The following RAB2A variants were observed in gnomAD, a reference collection of about 807,000 sequenced individuals.
RAB2A encodes the protein ras-related protein Rab-2A.
In RAB2A, 7 loss-of-function variants were observed where a neutral mutation model predicts 32.5. That is an observed-to-expected ratio of 0.22 (90% CI 0.12 to 0.40). RAB2A has a LOEUF of 0.40. RAB2A is among the 10% of genes least tolerant of loss of function. RAB2A has a pLI of 1.00. For missense variants in RAB2A, 108 were observed against 260.7 expected, an observed-to-expected ratio of 0.41 and a Z score of 4.03; for synonymous variants, 79 against 85.2, an observed-to-expected ratio of 0.93 and a Z score of 0.40.
intron 1 of RAB2A, among the ~76,000 whole-genome samples, chr8:60,540,111 T>A (rs1807616513): frequency 6.6e-6 from 1 of 150,962 alleles, no homozygotes; most frequent in Non-Finnish European, 1.5e-5. Flanking sequence ...CCAAATACAG[T>A]ATATATTCAT....
chr8:60,550,153 A>G (rs1489985523), intron 1 of RAB2A, among the ~76,000 whole-genome samples: 1 of 152,138 alleles, frequency 6.6e-6, no homozygotes, highest in Non-Finnish European at 1.5e-5. Flanking sequence ...TGATCTGTCC[A>G]CTCTCAATCT....
intron 2 of RAB2A, among the ~76,000 whole-genome samples, chr8:60,563,937 A>G (rs942490836): frequency 3.9e-5 from 6 of 152,130 alleles, no homozygotes; most frequent in African/African-American, 1.2e-4. Flanking sequence ...TGGCTAAACC[A>G]TAGGTTAAAT....
At chr8:60,526,052 TATA>T (rs1807381606) in intron 1 of RAB2A, among the ~76,000 whole-genome samples, 1 of 121,788 alleles carries the variant, frequency 8.2e-6, no homozygotes, top group African/African-American at 3.1e-5. Flanking sequence ...TATATATATA[TATA>T]TAAGTTTTCT....
At chr8:60,576,619 C>T (rs1307206742) in intron 3 of RAB2A, among the ~76,000 whole-genome samples, 3 of 152,060 alleles carry the variant, frequency 2.0e-5, no homozygotes, top group African/African-American at 7.2e-5. Flanking sequence ...TTTTTTTCTC[C>T]TTTGAAAAAC....
At chr8:60,591,626 G>A (rs187635694) in intron 5 of RAB2A, 27 of 344,518 alleles carry the variant, frequency 7.8e-5, no homozygotes, top group African/African-American at 4.7e-4. Flanking sequence ...TAGTTCTAAC[G>A]TTCTAAAGCT....
chr8:60,591,811 T>C (rs781427038), intron 5 of RAB2A, 47 bp from the exon 6 acceptor site: 11 of 1,222,912 alleles, frequency 9.0e-6, no homozygotes, highest in Non-Finnish European at 1.3e-5. Flanking sequence ...ATGCTTCTGT[T>C]TGTACCATGT....
chr8:60,602,127 C>T (rs935165108), intron 6 of RAB2A, among the ~76,000 whole-genome samples: 12 of 151,914 alleles, frequency 7.9e-5, no homozygotes, highest in Non-Finnish European at 1.3e-4. Context: ...ATCCTCCCAC[C>T]TTAGCCTCCC....
chr8:60,525,269 A>G lies in RAB2A; in HGVS notation c.46+8016A>G, dbSNP rs1217707567. Among the ~76,000 whole-genome samples the G allele has an allele frequency of 2.0e-5, 3 of 152,022 alleles. No homozygotes were observed. In the South Asian group the frequency reaches 6.2e-4, roughly 32 times the overall value. On this transcript the variant is annotated intron_variant, in intron 1 of 7. Transcript: ENST00000262646. ...TGATAGTGAGTGCTCATGAGATCTG[A>G]TGGTTTTATAAGTGTTTGACAGTTC...
At chr8:60,611,881 A>G (rs1804354542) in intron 6 of RAB2A, among the ~76,000 whole-genome samples, 4 of 152,216 alleles carry the variant, frequency 2.6e-5, no homozygotes, top group Admixed American at 2.6e-4. Context: ...GATTTTTAAA[A>G]CTATTAAGTT....
At position 60,605,852 on chromosome 8, in the gene RAB2A, T is replaced by TATATATATAA. The variant is rs777621349; in HGVS notation, c.475-12727_475-12726insTATATATAAA. 1.8e-4 allele frequency among the ~76,000 whole-genome samples: 26 copies of TATATATATAA among 144,762 alleles called. 1 individual carries two copies. The highest frequency in any genetic ancestry group is 8.7e-4 in the South Asian group (4 of 4,606). 95.0% of individuals were successfully genotyped at this position (144,762 alleles called of 152,430 possible). ...TAATACATATATACATATATATATA[T>TATATATATAA]AATGCTTCATTTCAAGCTGGGGGTG... On this transcript the variant is annotated intron_variant, in intron 6 of 7. Coordinates refer to ENST00000262646, the MANE Select transcript of RAB2A (RefSeq NM_002865.3).
rs117764621 is a variant in RAB2A, at chr8:60,595,319, A to G, written c.474+3350A>G. On this transcript the variant is annotated intron_variant, in intron 6 of 7. Coordinates refer to ENST00000262646, the MANE Select transcript of RAB2A (RefSeq NM_002865.3). Reference sequence around the variant, plus strand: ...TTCCACAATATTATAAGCCATGGGGAATAAAGGGATTTGATTAGCCCACAG... The same window carrying G: ...TTCCACAATATTATAAGCCATGGGGGATAAAGGGATTTGATTAGCCCACAG... Among the ~76,000 whole-genome samples the G allele has an allele frequency of 9.2e-4, 140 of 152,328 alleles. 2 individuals are homozygous for G. The East Asian group carries it at 0.019, about 20-fold the overall frequency.
At chr8:60,614,651 A>G (rs1804418963) in intron 6 of RAB2A, among the ~76,000 whole-genome samples, 1 of 152,168 alleles carries the variant, frequency 6.6e-6, no homozygotes, top group African/African-American at 2.4e-5. Context: ...GAACATATTT[A>G]TAGTCTTTTG....
intron 6 of RAB2A, among the ~76,000 whole-genome samples, chr8:60,597,759 A>AT (rs1804054391): frequency 6.6e-6 from 1 of 152,228 alleles, no homozygotes; most frequent in African/African-American, 2.4e-5. Flanking sequence ...AAAGAGCTGG[A>AT]TTTTTTAAAA....
At chr8:60,584,642 T>A in intron 4 of RAB2A, 81 bp from the exon 5 acceptor site, 1 of 1,197,526 alleles carries the variant, frequency 8.4e-7, no homozygotes, top group Non-Finnish European at 1.2e-6. Context: ...AAAGTGGTTC[T>A]CTTTAAAAAT....
At chr8:60,613,620 C>T (rs1044069226) in intron 6 of RAB2A, among the ~76,000 whole-genome samples, 2 of 152,134 alleles carry the variant, frequency 1.3e-5, no homozygotes, top group African/African-American at 4.8e-5. Context: ...GAGCCTGGTT[C>T]TAGAGCCCTC....
In RAB2A at chr8:60,563,105, G is replaced by C. The variant is rs182236394; in HGVS notation, c.118+4182G>C. On this transcript the variant is annotated intron_variant, in intron 2 of 7. Coordinates refer to ENST00000262646, the MANE Select transcript of RAB2A (RefSeq NM_002865.3). ...AGTAGTAAGACAGTATCTTGACTCT[G>C]CTGCATACTTGCTTTTGCTGGATGA... is the stretch of plus-strand genomic sequence containing the variant. Among the ~76,000 whole-genome samples, 31 of 152,252 alleles carry C rather than the reference G, an allele frequency of 2.0e-4. No homozygotes were observed. The East Asian group carries it at 5.8e-3, about 28-fold the overall frequency.
At chr8:60,520,823 T>C (rs980539060) in intron 1 of RAB2A, among the ~76,000 whole-genome samples, 1 of 152,204 alleles carries the variant, frequency 6.6e-6, no homozygotes, top group African/African-American at 2.4e-5. Flanking sequence ...TTATATTATT[T>C]ATCTATCTAT....
intron 1 of RAB2A, among the ~76,000 whole-genome samples, chr8:60,539,340 G>T (rs888146173): frequency 1.3e-5 from 2 of 152,182 alleles, no homozygotes; most frequent in Non-Finnish European, 2.9e-5. Context: ...AAAGGAAAAA[G>T]AAGTGATTTT....
At position 60,595,737 on chromosome 8, in the gene RAB2A, C is replaced by T. The variant is rs116625650; in HGVS notation, c.474+3768C>T. ...ATGTGAAGCAAAAACTGATAGACTG[C>T]GAGGAGAAATAGAGAAATTCACAAT... is the stretch of plus-strand genomic sequence containing the variant. On this transcript the variant is annotated intron_variant, in intron 6 of 7. Transcript: ENST00000262646. Among the ~76,000 whole-genome samples the T allele has an allele frequency of 6.8e-3, 1,032 of 152,146 alleles. 10 individuals carry two copies. Among genetic ancestry groups the T allele is most frequent in the African/African-American group, 0.018 (728 of 41,494 alleles).
Sources: allele counts gnomAD v4.1 joint callset (sites outside exome capture counted in the v4.1 genomes callset), GRCh38; gene constraint gnomAD v4.1.1; transcripts MANE v1.5; gene names NCBI Gene and HGNC (gene_info 2026-07-23, HGNC 2026-07-21).